GALNT11: variants seen among roughly 807,000 people sequenced by gnomAD.
GALNT11 encodes the protein UDP-GalNAc:polypeptide N-acetylgalactosaminyltransferase 11.
Under a neutral mutation model 72.7 loss-of-function variants are expected in GALNT11, and 47 were observed. That is an observed-to-expected ratio of 0.65 (90% CI 0.51 to 0.82). GALNT11 has a LOEUF of 0.82. Among genes scored for constraint, GALNT11 ranks in the 40% least tolerant of loss-of-function variants. GALNT11 has a pLI of 0.00. For synonymous variants in GALNT11, 270 were observed against 286.6 expected, an observed-to-expected ratio of 0.94 and a Z score of 0.58; for missense variants, 677 against 778.4, an observed-to-expected ratio of 0.87 and a Z score of 1.55.
At chr7:152,103,508 A>T (rs2087191474) in intron 4 of GALNT11, 3 of 448,286 alleles carry the variant, frequency 6.7e-6, no homozygotes, top group Non-Finnish European at 1.2e-5. Context: ...GGCTTACTTT[A>T]AAAAACACAC....
chr7:152,054,503 CTTTTT>C (rs1037895401), intron 1 of GALNT11, among the ~76,000 whole-genome samples: 1 of 72,106 alleles, frequency 1.4e-5, no homozygotes, highest in Non-Finnish European at 2.9e-5. Flanking sequence ...TTTTTCTTGT[CTTTTT>C]TTTTTTTTTT....
At chr7:152,110,712 A>T (rs1271983390) in intron 7 of GALNT11, 67 bp downstream of exon 7, 10 of 1,163,670 alleles carry the variant, frequency 8.6e-6, no homozygotes, top group African/African-American at 1.6e-5. Flanking sequence ...CCATGATCTC[A>T]TATTTTCTTT....
chr7:152,101,600 T>C (rs1435415261), intron 3 of GALNT11, among the ~76,000 whole-genome samples: 1 of 142,846 alleles, frequency 7.0e-6, no homozygotes, highest in Non-Finnish European at 1.5e-5. Context: ...TGGGAAAGAA[T>C]TCAGGGTTCT....
At chr7:152,117,477 AGT>A in intron 9 of GALNT11, 102 bp downstream of exon 9, 1 of 1,129,156 alleles carries the variant, frequency 8.9e-7, no homozygotes, top group Non-Finnish European at 1.3e-6. Flanking sequence ...GACTTAACAG[AGT>A]GTAATGACAG....
intron 1 of GALNT11, among the ~76,000 whole-genome samples, chr7:152,037,166 T>C (rs956997175): frequency 6.6e-6 from 1 of 152,238 alleles, no homozygotes; most frequent in Non-Finnish European, 1.5e-5. Context: ...GGAGATTTTC[T>C]CCAGTGTTTT....
chr7:152,080,461 C>G (rs1309219195), intron 1 of GALNT11, among the ~76,000 whole-genome samples: 1 of 152,038 alleles, frequency 6.6e-6, no homozygotes, highest in Non-Finnish European at 1.5e-5. Context: ...GAAAATTAGC[C>G]ATGATGCCAC....
intron 1 of GALNT11, among the ~76,000 whole-genome samples, chr7:152,093,180 G>T (rs1262957495): frequency 6.7e-6 from 1 of 149,716 alleles, no homozygotes; most frequent in Non-Finnish European, 1.5e-5. Flanking sequence ...AGTGAGCCAA[G>T]ATCCCACCAC....
rs139640614 is a variant in GALNT11, at chr7:152,111,628, G to GTATATA, written c.1080+995_1080+1000dup. 7.7e-3 allele frequency among the ~76,000 whole-genome samples: 1,116 copies of GTATATA among 144,838 alleles called. 10 individuals are homozygous for GTATATA. The highest frequency in any genetic ancestry group is 0.029 in the African/African-American group (1,082 of 37,704). ...CTGTTATTCCACTCTGTGTGTGTGT[G>GTATATA]TATATATATATATATATTTTTTTAA... On this transcript the variant is annotated intron_variant, in intron 7 of 11. Coordinates refer to ENST00000430044, the MANE Select transcript of GALNT11 (RefSeq NM_022087.4).
chr7:152,040,771 G>A (rs768220776), intron 1 of GALNT11, among the ~76,000 whole-genome samples: 2 of 152,178 alleles, frequency 1.3e-5, no homozygotes, highest in African/African-American at 2.4e-5. Flanking sequence ...CTCAATTACA[G>A]CTACGAGCTC....
chr7:152,054,382 C>A (rs567593243), intron 1 of GALNT11, among the ~76,000 whole-genome samples: 4 of 131,358 alleles, frequency 3.0e-5, no homozygotes, highest in Non-Finnish European at 6.5e-5. Context: ...GTCTACCTCA[C>A]TTTTTTTTTT....
intron 2 of GALNT11, among the ~76,000 whole-genome samples, chr7:152,097,748 C>G (rs2086487169): frequency 6.6e-6 from 1 of 152,174 alleles, no homozygotes; most frequent in Non-Finnish European, 1.5e-5. Flanking sequence ...AAGCCACACA[C>G]AAAAGGTCAC....
At chr7:152,029,838 G>A (rs1042353180) in intron 1 of GALNT11, among the ~76,000 whole-genome samples, 66 of 152,352 alleles carry the variant, frequency 4.3e-4, no homozygotes, top group African/African-American at 1.5e-3. Flanking sequence ...ATGGTAGTTA[G>A]TTAAGATTTA....
chr7:152,041,436 C>T (rs766930868), intron 1 of GALNT11, among the ~76,000 whole-genome samples: 5 of 152,122 alleles, frequency 3.3e-5, no homozygotes, highest in Admixed American at 6.5e-5. Context: ...TTTAACAATC[C>T]GAGTTCTGCC....
At chr7:152,044,831 G>C (rs953081329) in intron 1 of GALNT11, among the ~76,000 whole-genome samples, 1 of 151,676 alleles carries the variant, frequency 6.6e-6, no homozygotes, top group African/African-American at 2.4e-5. Flanking sequence ...TGTGGTGAAT[G>C]ACAGTGATGA....
intron 1 of GALNT11, among the ~76,000 whole-genome samples, chr7:152,038,071 G>A (rs1044280930): frequency 6.6e-6 from 1 of 152,110 alleles, no homozygotes; most frequent in Non-Finnish European, 1.5e-5. Context: ...TGCCCAGCCC[G>A]TCTTCTTCAA....
intron 1 of GALNT11, among the ~76,000 whole-genome samples, chr7:152,039,163 T>C (rs2082725505): frequency 6.6e-6 from 1 of 152,218 alleles, no homozygotes; most frequent in South Asian, 2.1e-4. Flanking sequence ...TGAGGTGCAA[T>C]TCAAGCTAAA....
chr7:152,107,192 T>C (rs1032404177), intron 5 of GALNT11: 1 of 152,090 alleles, frequency 6.6e-6, no homozygotes. Context: ...GATGATGTCA[T>C]TCTGAGTTTC....
intron 1 of GALNT11, among the ~76,000 whole-genome samples, chr7:152,052,559 A>G (rs995785471): frequency 5.3e-5 from 8 of 152,158 alleles, no homozygotes; most frequent in South Asian, 4.1e-4. Flanking sequence ...GCTAAATCTG[A>G]TGGCTCTACC....
chr7:152,043,478 G>A (rs2152013162), intron 1 of GALNT11, among the ~76,000 whole-genome samples: 1 of 152,312 alleles, frequency 6.6e-6, no homozygotes, highest in South Asian at 2.1e-4. Context: ...GGCCCCTCAT[G>A]GCATTTCCCC....
Sources: allele counts gnomAD v4.1 joint callset (sites outside exome capture counted in the v4.1 genomes callset), GRCh38; gene constraint gnomAD v4.1.1; transcripts MANE v1.5; gene names NCBI Gene and HGNC (gene_info 2026-07-23, HGNC 2026-07-21).